Variants in PARN observed in about 807,000 individuals in gnomAD.
The protein encoded by PARN is poly(A)-specific ribonuclease PARN.
Under a neutral mutation model 102.8 loss-of-function variants are expected in PARN, and 71 were observed. The observed-to-expected ratio is 0.69, with a 90% CI of 0.57 to 0.84. The LOEUF (loss-of-function observed/expected upper bound fraction) is 0.84, where lower values mean the gene tolerates loss of function less well. PARN is among the 40% of genes least tolerant of loss of function. PARN has a pLI of 0.00. For missense variants in PARN, 782 were observed against 760.9 expected (o/e 1.03, Z -0.33); for synonymous variants, 261 against 252.9 (o/e 1.03, Z -0.30).
At chr16:14,516,379 T>C (rs1965456597) in intron 21 of PARN, among the ~76,000 whole-genome samples, 1 of 152,050 alleles carries the variant, frequency 6.6e-6, no homozygotes, top group Non-Finnish European at 1.5e-5. Flanking sequence ...TATTGCATGC[T>C]GAAAGGCTAT....
intron 18 of PARN, among the ~76,000 whole-genome samples, chr16:14,568,431 T>C (rs1229409532): frequency 4.9e-5 from 7 of 143,632 alleles, no homozygotes; most frequent in Non-Finnish European, 1.1e-4. Context: ...GCCAGGCTGG[T>C]ATGAAAAACT....
chr16:14,551,388 G>A (rs754231574), intron 21 of PARN, among the ~76,000 whole-genome samples: 16 of 151,860 alleles, frequency 1.1e-4, no homozygotes, highest in Non-Finnish European at 2.1e-4. Context: ...GGCCAACATC[G>A]TGAAACCCCA....
chr16:14,490,789 T>C (rs187209159), intron 21 of PARN, among the ~76,000 whole-genome samples: 2 of 152,236 alleles, frequency 1.3e-5, no homozygotes, highest in East Asian at 3.9e-4. Context: ...AATACAAAAG[T>C]TTTTTCATAT....
At chr16:14,574,733 C>T (rs1006703075) in intron 18 of PARN, among the ~76,000 whole-genome samples, 8 of 151,998 alleles carry the variant, frequency 5.3e-5, no homozygotes, top group African/African-American at 1.9e-4. Flanking sequence ...AAAAGAAAAT[C>T]CCATTTTCTG....
chr16:14,538,461 A>T (rs1431307142), intron 21 of PARN, among the ~76,000 whole-genome samples: 2 of 151,716 alleles, frequency 1.3e-5, no homozygotes, highest in East Asian at 1.9e-4. Context: ...ATCAAGTGAT[A>T]ACGCCTGCCT....
chr16:14,568,754 G>A (rs1968595296), intron 18 of PARN, among the ~76,000 whole-genome samples: 1 of 151,868 alleles, frequency 6.6e-6, no homozygotes, highest in South Asian at 2.1e-4. Context: ...AGTTAGCAGG[G>A]CATGGTGGCA....
At position 14,509,282 on chromosome 16, in the gene PARN, T is replaced by C. The variant is rs114893930; in HGVS notation, c.1481-26455A>G. On this transcript the variant is annotated intron_variant, in intron 21 of 23. Coordinates refer to ENST00000437198, the MANE Select transcript of PARN (RefSeq NM_002582.4). ...CATCCAGACACCACCTACCCACCCA[T>C]AGATAATCTCTTGGCAACATCACCA... Among the ~76,000 whole-genome samples the C allele has an allele frequency of 1.0e-2, 1,517 of 152,196 alleles. 27 individuals carry two copies. The highest frequency in any genetic ancestry group is 0.034 in the African/African-American group (1,425 of 41,532).
At chr16:14,614,846 C>CAAAAAAAAAAAAAAAAAAAAAAA (rs57502376) in intron 6 of PARN, among the ~76,000 whole-genome samples, 4 of 37,652 alleles carry the variant, frequency 1.1e-4, no homozygotes, top group Admixed American at 5.1e-4. Context: ...GAAACTGTCT[C>CAAAAAAAAAAAAAAAAAAAAAAA]AAAAAAAAAA....
At chr16:14,507,294 C>A (rs1283200420) in intron 21 of PARN, among the ~76,000 whole-genome samples, 3 of 151,320 alleles carry the variant, frequency 2.0e-5, no homozygotes, top group Middle Eastern at 6.9e-3. Context: ...CCACTGCACT[C>A]CAGCATGGGC....
chr16:14,503,746 G>A (rs187869630), intron 21 of PARN, among the ~76,000 whole-genome samples: 4 of 152,294 alleles, frequency 2.6e-5, no homozygotes, highest in East Asian at 1.9e-4. Context: ...GGTAGTACAC[G>A]CTGCCAATGC....
chr16:14,629,750 G>A, intron 1 of PARN, 76 bp from the exon 2 acceptor site: 3 of 1,094,556 alleles, frequency 2.7e-6, no homozygotes, highest in Non-Finnish European at 4.2e-6. Flanking sequence ...GAGGGCCGAG[G>A]AGCTCCCGAG....
At chr16:14,606,807 A>T (rs1225402244) in intron 9 of PARN, among the ~76,000 whole-genome samples, 2 of 147,458 alleles carry the variant, frequency 1.4e-5, no homozygotes, top group Admixed American at 6.8e-5. Flanking sequence ...TTGAGACAAG[A>T]GTCTCTCTCT....
chr16:14,581,695 G>A (rs1237914149), intron 17 of PARN, among the ~76,000 whole-genome samples: 3 of 152,094 alleles, frequency 2.0e-5, no homozygotes, highest in African/African-American at 7.2e-5. Flanking sequence ...TGAGGTAGGA[G>A]GATCACTTGA....
intron 21 of PARN, among the ~76,000 whole-genome samples, chr16:14,550,764 C>T (rs988619869): frequency 1.3e-5 from 2 of 152,184 alleles, no homozygotes; most frequent in Non-Finnish European, 2.9e-5. Context: ...TTAAAAATTT[C>T]ACATCTTTTA....
At chr16:14,468,955 A>G (rs940055405) in intron 22 of PARN, among the ~76,000 whole-genome samples, 1 of 152,020 alleles carries the variant, frequency 6.6e-6, no homozygotes, top group Non-Finnish European at 1.5e-5. Context: ...CATTTGAAAC[A>G]CTAAAACAAA....
intron 12 of PARN, among the ~76,000 whole-genome samples, chr16:14,597,887 TA>T (rs957731752): frequency 1.2e-4 from 19 of 152,226 alleles, no homozygotes; most frequent in African/African-American, 4.3e-4. Context: ...CTCACACCTG[TA>T]AACCCAGTAT....
rs1960707969 is a variant in PARN at position 14,436,590 on chromosome 16, G to A, written c.*127C>T. On this transcript the variant is annotated 3_prime_UTR_variant, in exon 24 of 24. Transcript: ENST00000437198. ...AAAACCTGTTTTCTCCCCCCCAGGA[G>A]ACAACTTGGTTTCCAACCCCTCCCA... 1.5e-6 allele frequency: 1 copy of A among 667,318 alleles called. No homozygotes were observed. Among genetic ancestry groups the A allele is most frequent in the Non-Finnish European group, 2.6e-6 (1 of 377,728 alleles). The allele number at this position is 667,318 out of a possible 1,614,324, so 41.3% of individuals were successfully genotyped here. A position where few individuals can be genotyped will look rare whatever the true frequency, so the allele number is the denominator to read the frequency against.
intron 21 of PARN, among the ~76,000 whole-genome samples, chr16:14,531,645 TCCG>T (rs1966336022): frequency 6.6e-6 from 1 of 152,118 alleles, no homozygotes; most frequent in Non-Finnish European, 1.5e-5. Flanking sequence ...TTTGGGTACG[TCCG>T]TCAATTTCAT....
chr16:14,612,178 C>G (rs1170560013), intron 6 of PARN, among the ~76,000 whole-genome samples: 1 of 152,134 alleles, frequency 6.6e-6, no homozygotes, highest in Non-Finnish European at 1.5e-5. Context: ...GTGGCTCACG[C>G]CTATAATCCA....
Sources: gnomAD v4.1 joint callset for allele counts (sites outside exome capture counted in the v4.1 genomes callset) on GRCh38, gnomAD v4.1.1 for gene constraint, MANE v1.5 for transcripts, NCBI Gene and HGNC (gene_info 2026-07-23, HGNC 2026-07-21) for gene names.